The following CTNNA1 variants were observed in gnomAD, a reference collection of about 807,000 sequenced individuals.
The protein encoded by CTNNA1 is catenin alpha 1.
CTNNA1 carries 37 observed loss-of-function variants against 98.4 expected under a neutral mutation model. That is an observed-to-expected ratio of 0.38 (90% confidence interval 0.29 to 0.49). The LOEUF (loss-of-function observed/expected upper bound fraction) is 0.49. CTNNA1 is among the 20% of genes least tolerant of loss of function. CTNNA1 has a pLI of 0.95. For synonymous variants in CTNNA1, 404 were observed against 413.2 expected, an observed-to-expected ratio of 0.98 and a Z score of 0.27; for missense variants, 761 against 1,147.2, an observed-to-expected ratio of 0.66 and a Z score of 4.86.
chr5:138,790,302 C>A (rs1031887419), intron 3 of CTNNA1, among the ~76,000 whole-genome samples: 1 of 152,214 alleles, frequency 6.6e-6, no homozygotes, highest in African/African-American at 2.4e-5. Context: ...ATTTATTTTC[C>A]TGTGACTTGA....
chr5:138,931,362 G>A (rs1446877367), intron 16 of CTNNA1, among the ~76,000 whole-genome samples: 1 of 152,148 alleles, frequency 6.6e-6, no homozygotes, highest in Non-Finnish European at 1.5e-5. Context: ...CCTACCGCCT[G>A]GAAATTGTAC....
intron 17 of CTNNA1, 158 bp downstream of exon 17, chr5:138,932,870 A>G (rs763701460): frequency 1.1e-6 from 1 of 936,230 alleles, no homozygotes. Context: ...AGGTCTGTCC[A>G]TCATCTGTTC....
intron 7 of CTNNA1, among the ~76,000 whole-genome samples, chr5:138,856,813 A>C (rs998442530): frequency 5.9e-5 from 9 of 152,240 alleles, no homozygotes; most frequent in Admixed American, 5.9e-4. Context: ...TTCTGTGCCT[A>C]ATTCATGAGA....
chr5:138,881,635 A>G (rs1245499351), intron 7 of CTNNA1, among the ~76,000 whole-genome samples: 1 of 152,122 alleles, frequency 6.6e-6, no homozygotes, highest in East Asian at 1.9e-4. Context: ...CAAGATCTTC[A>G]TCTCTTGCTT....
At chr5:138,916,238 G>T (rs1280533596) in intron 10 of CTNNA1, among the ~76,000 whole-genome samples, 9 of 150,048 alleles carry the variant, frequency 6.0e-5, no homozygotes, top group Admixed American at 3.3e-4. Context: ...AATGGATATG[G>T]ATGGGGTTTC....
At chr5:138,820,508 T>TG (rs1355186419) in intron 5 of CTNNA1, among the ~76,000 whole-genome samples, 4 of 152,006 alleles carry the variant, frequency 2.6e-5, no homozygotes, top group Admixed American at 1.3e-4. Context: ...AAGGTGTTGA[T>TG]GGGGGTTGCT....
intron 9 of CTNNA1, among the ~76,000 whole-genome samples, chr5:138,899,729 C>A (rs1757616518): frequency 6.6e-6 from 1 of 152,208 alleles, no homozygotes; most frequent in Non-Finnish European, 1.5e-5. Context: ...TGGCTGATTG[C>A]TTACTTCTCT....
chr5:138,929,296 C>T lies in CTNNA1; in HGVS notation c.1950C>T (p.Val650=). The T allele has an allele frequency of 6.2e-7, 1 of 1,612,526 alleles. No individual in the cohort carries two copies. The highest frequency in any genetic ancestry group is 8.5e-7 in the Non-Finnish European group (1 of 1,178,526). ...ACTTTGAGACAGAAGATTTTGATGT[C>T]AGAAGCAGGACGAGCGTCCAGACAG... The part of the protein sequence containing the change: ...DSDFETEDFD[V]RSRTSVQTED... Residue 650 remains valine (V), a synonymous_variant, in exon 14 of 18, where the codon GTC becomes GTT. Transcript: ENST00000302763.
At chr5:138,916,056 AACAC>A (rs959048462) in intron 10 of CTNNA1, among the ~76,000 whole-genome samples, 1 of 151,866 alleles carries the variant, frequency 6.6e-6, no homozygotes, top group African/African-American at 2.4e-5. Flanking sequence ...CTCAAAAAGA[AACAC>A]ACACACACAC....
chr5:138,894,238 T>C lies in CTNNA1; in HGVS notation c.1296+6596T>C, dbSNP rs552720214. On this transcript the variant is annotated intron_variant, in intron 9 of 17. Coordinates refer to ENST00000302763, the MANE Select transcript of CTNNA1 (RefSeq NM_001903.5). ...CTGGCCTCTGATGTTTAAAAAATGT[T>C]GCCTAAGATTAGGCATAATATAGAG... Among the ~76,000 whole-genome samples the C allele has an allele frequency of 6.6e-5, 10 of 151,808 alleles. No homozygotes were observed. In the South Asian group the frequency reaches 1.9e-3, roughly 29 times the overall value.
intron 5 of CTNNA1, among the ~76,000 whole-genome samples, chr5:138,823,291 C>A (rs1760222332): frequency 6.6e-6 from 1 of 152,174 alleles, no homozygotes; most frequent in Non-Finnish European, 1.5e-5. Context: ...TCTACTCAGC[C>A]TACCAAGTAG....
At chr5:138,875,674 A>G (rs770521766) in intron 7 of CTNNA1, 401 of 985,296 alleles carry the variant, frequency 4.1e-4, no homozygotes, top group Non-Finnish European at 4.5e-4. Flanking sequence ...GCATAGAGAG[A>G]TCATCTAAAT....
At chr5:138,785,502 A>G (rs1361772477) in intron 3 of CTNNA1, among the ~76,000 whole-genome samples, 1 of 113,248 alleles carries the variant, frequency 8.8e-6, no homozygotes, top group African/African-American at 3.5e-5. Context: ...GAAACTCACA[A>G]TCATATTAAC....
chr5:138,885,037 C>G (rs1317004857), intron 7 of CTNNA1, among the ~76,000 whole-genome samples: 1 of 152,156 alleles, frequency 6.6e-6, no homozygotes, highest in African/African-American at 2.4e-5. Flanking sequence ...TCTTACTATT[C>G]CCTGTTGTCT....
chr5:138,795,390 G>A (rs1581040185), intron 3 of CTNNA1, among the ~76,000 whole-genome samples: 2 of 152,102 alleles, frequency 1.3e-5, no homozygotes, highest in Middle Eastern at 3.4e-3. Flanking sequence ...CTCAGGAGGC[G>A]GAGATTGCAG....
intron 3 of CTNNA1, among the ~76,000 whole-genome samples, chr5:138,802,851 G>T (rs1004600823): frequency 7.2e-5 from 11 of 152,142 alleles, no homozygotes; most frequent in Non-Finnish European, 1.5e-5. Flanking sequence ...GGTCTGGAGT[G>T]CAGTGGTGCA....
At chr5:138,884,573 A>C (rs1054686143) in intron 7 of CTNNA1, among the ~76,000 whole-genome samples, 1 of 152,212 alleles carries the variant, frequency 6.6e-6, no homozygotes, top group Admixed American at 6.5e-5. Flanking sequence ...AGGGCCTGCT[A>C]TCTGTCATGT....
chr5:138,853,020 C>T (rs1763385504), intron 7 of CTNNA1, among the ~76,000 whole-genome samples: 1 of 152,140 alleles, frequency 6.6e-6, no homozygotes, highest in South Asian at 2.1e-4. Context: ...CATTTTATTG[C>T]TGACTACACT....
intron 17 of CTNNA1, among the ~76,000 whole-genome samples, chr5:138,933,363 C>A (rs959155177): frequency 6.6e-6 from 1 of 152,174 alleles, no homozygotes; most frequent in Non-Finnish European, 1.5e-5. Context: ...CATGGCTTCT[C>A]TTAATCCCAC....
Sources: allele counts gnomAD v4.1 joint callset (sites outside exome capture counted in the v4.1 genomes callset), GRCh38; gene constraint gnomAD v4.1.1; transcripts MANE v1.5; gene names NCBI Gene and HGNC (gene_info 2026-07-23, HGNC 2026-07-21).